Variants in C4orf50 observed in about 807,000 individuals in gnomAD.
C4orf50 encodes the protein chromosome 4 open reading frame 50.
C4orf50 carries 80 observed loss-of-function variants against 77.2 expected under a neutral mutation model. That is an observed-to-expected ratio of 1.04 (90% CI 0.87 to 1.25). The LOEUF is 1.25. Among genes scored for constraint, C4orf50 ranks in the 50% most tolerant of loss-of-function variants. C4orf50 has a pLI of 0.00. For synonymous variants in C4orf50, 532 were observed against 465.3 expected, an observed-to-expected ratio of 1.14 and a Z score of -1.84; for missense variants, 1,257 against 1,152.9, an observed-to-expected ratio of 1.09 and a Z score of -1.31.
rs953652844 is a variant in C4orf50, at chr4:5,919,059, C to T, written c.*2475-20871G>A. On this transcript the variant is annotated intron_variant, in intron 7 of 7. Transcript: ENST00000324058. The surrounding 1 kb of genome is among the most constrained non-coding windows in gnomAD (Gnocchi z 6.5). ...TCTCGGTGCTTCTCAAGAGAACTTG[C>T]TGCTATGGCTCCTGGTTGGGACAGA... is the stretch of plus-strand genomic sequence containing the variant. Among the ~76,000 whole-genome samples the T allele has an allele frequency of 6.6e-6, 1 of 152,176 alleles. No individual in the cohort carries two copies. The highest frequency in any genetic ancestry group is 1.5e-5 in the Non-Finnish European group (1 of 68,032).
chr4:5,979,870 T>C (rs1286198524), intron 29 of C4orf50, among the ~76,000 whole-genome samples: 2 of 152,240 alleles, frequency 1.3e-5, no homozygotes, highest in Admixed American at 1.3e-4. Context: ...TGTATCATAG[T>C]CACGCCTACT....
chr4:5,932,846 A>T lies in C4orf50; in HGVS notation c.*2474+24055T>A, dbSNP rs1280364259. On this transcript the variant is annotated intron_variant, in intron 7 of 7. Transcript: ENST00000324058. This position sits in a 1 kb window ranked among gnomAD's most constrained non-coding sequence, Gnocchi z 4.2. ...TTCCTTCTGCACAGAGGAGAATATT[A>T]CTAGTTAGCTTCACAAATTGTTACA... Among the ~76,000 whole-genome samples, 1 of 152,206 alleles carries T rather than the reference A, an allele frequency of 6.6e-6. No homozygotes were observed. Among genetic ancestry groups the T allele is most frequent in the Non-Finnish European group, 1.5e-5 (1 of 68,038 alleles).
intron 7 of C4orf50, among the ~76,000 whole-genome samples, chr4:5,913,299 G>A (rs987727886): frequency 6.6e-6 from 1 of 152,152 alleles, no homozygotes; most frequent in Non-Finnish European, 1.5e-5. Flanking sequence ...GGAAACTCCA[G>A]ACCATAGCTC....
At chr4:5,957,407 C>T (rs1195701486) in exon 34 of C4orf50, 1 of 152,226 alleles carries the variant, frequency 6.6e-6, no homozygotes, top group Non-Finnish European at 1.5e-5. Flanking sequence ...AAGCTAATGA[C>T]ATTGTCCCAA....
At chr4:5,949,200 G>C (rs1194711957) in intron 7 of C4orf50, among the ~76,000 whole-genome samples, 3 of 152,288 alleles carry the variant, frequency 2.0e-5, no homozygotes, top group East Asian at 3.9e-4. Flanking sequence ...CTGTAGCACA[G>C]TGACCTGGTT....
rs769330919 is a variant in C4orf50 at position 5,980,194 on chromosome 4, G to A, written c.3844C>T (p.Gln1282Ter). 3.1e-6 allele frequency: 5 copies of A among 1,601,614 alleles called. No homozygotes were observed. Among genetic ancestry groups the A allele is most frequent in the Non-Finnish European group, 4.3e-6 (5 of 1,173,988 alleles). Residue 1282 changes from glutamine to a stop codon, truncating the protein, a stop_gained, in exon 29 of 34, where the codon CAG becomes TAG. Transcript: ENST00000531445. LOFTEE classifies it high-confidence loss of function. ...CACACCTTGGCCTGGAGCTCCTCCT[G>A]GAGGCGGGTGGCCTCGTCCAGAGAC... is the stretch of plus-strand genomic sequence containing the variant.
Position 5,901,253 on chromosome 4 carries a change from G to A in C4orf50, c.*2475-3065C>T, listed in dbSNP as rs758983088. ...GGCACACAGTAGGTGTATAATAAAT[G>A]TGCATTATATTAATGACATGAGTAA... On this transcript the variant is annotated intron_variant, in intron 7 of 7. Coordinates refer to the C4orf50 transcript ENST00000324058. This position sits in a 1 kb window ranked among gnomAD's most constrained non-coding sequence, Gnocchi z 4.4. 1.3e-5 allele frequency: 2 copies of A among 152,224 alleles called. No individual in the cohort carries two copies. The highest frequency in any genetic ancestry group is 2.1e-4 in the South Asian group (1 of 4,834). The allele number at this position is 152,224 out of a possible 1,614,324, so 9.4% of individuals were successfully genotyped here.
chr4:6,007,604 A>G lies in C4orf50; in HGVS notation c.963+392T>C, dbSNP rs1160845037. Among the ~76,000 whole-genome samples, 2 of 152,144 alleles carry G rather than the reference A, an allele frequency of 1.3e-5. No individual in the cohort carries two copies. The highest frequency in any genetic ancestry group is 2.9e-5 in the Non-Finnish European group (2 of 68,026). On this transcript the variant is annotated intron_variant, in intron 25 of 33. Coordinates refer to ENST00000531445, the Ensembl canonical transcript of C4orf50. The surrounding 1 kb of genome is among the most constrained non-coding windows in gnomAD (Gnocchi z 4.1). ...AAACAGATTTCAACAATGGGAAAAC[A>G]AGTGGTTTAGTAAGTGGGCTCATAA... is the stretch of plus-strand genomic sequence containing the variant.
intron 7 of C4orf50, among the ~76,000 whole-genome samples, chr4:5,935,783 C>CAAAAAAAAAA (rs1560550404): frequency 2.2e-5 from 1 of 45,068 alleles, no homozygotes; most frequent in Non-Finnish European, 3.6e-5. Flanking sequence ...GAGACTCCGT[C>CAAAAAAAAAA]TAAAAAAAAA....
At chr4:5,904,905 A>G (rs1206072666) in intron 7 of C4orf50, 4 of 152,218 alleles carry the variant, frequency 2.6e-5, no homozygotes, top group Non-Finnish European at 5.9e-5. Context: ...TGGTAAATCA[A>G]TGAGTCCTTA....
At chr4:5,936,200 T>C (rs1467304575) in intron 7 of C4orf50, among the ~76,000 whole-genome samples, 2 of 131,450 alleles carry the variant, frequency 1.5e-5, no homozygotes, top group Non-Finnish European at 3.4e-5. Context: ...AGAGTCTTCA[T>C]GCTGCAGGAA....
At chr4:6,014,910 C>T (rs1722626083) in intron 23 of C4orf50, among the ~76,000 whole-genome samples, 2 of 152,222 alleles carry the variant, frequency 1.3e-5, no homozygotes, top group Admixed American at 1.3e-4. Context: ...ACAGAGGCCC[C>T]TCCTCCCTAT....
intron 25 of C4orf50, among the ~76,000 whole-genome samples, chr4:6,004,283 ATGT>A (rs1472948687): frequency 9.2e-5 from 4 of 43,250 alleles, no homozygotes; most frequent in African/African-American, 1.6e-4. Context: ...GGTGATGGTG[ATGT>A]TGGTGATGAT....
intron 7 of C4orf50, among the ~76,000 whole-genome samples, chr4:5,918,555 G>A (rs191716620): frequency 6.6e-6 from 1 of 152,304 alleles, no homozygotes; most frequent in East Asian, 1.9e-4. Context: ...GCCCAGAGAG[G>A]AGTGGAGCTC....
chr4:6,004,070 T>C (rs373202256), intron 25 of C4orf50, among the ~76,000 whole-genome samples: 2 of 97,062 alleles, frequency 2.1e-5, no homozygotes, highest in Admixed American at 1.1e-4. Context: ...ATGATGGTGA[T>C]GGTGATGATG....
chr4:5,994,109 G>A (rs73196030), intron 26 of C4orf50, among the ~76,000 whole-genome samples: 12,802 of 152,238 alleles, frequency 0.084, 637 homozygotes, highest in African/African-American at 0.14. Flanking sequence ...GTGAGCCTGT[G>A]TTCAGCTGAG....
intron 7 of C4orf50, among the ~76,000 whole-genome samples, chr4:5,925,313 A>C (rs1383125710): frequency 1.3e-5 from 2 of 151,472 alleles, no homozygotes; most frequent in African/African-American, 2.4e-5. Flanking sequence ...CTGTTGGGGG[A>C]CCCCCAGGCC....
chr4:5,913,152 C>T (rs528955786), intron 7 of C4orf50, among the ~76,000 whole-genome samples: 1 of 152,296 alleles, frequency 6.6e-6, no homozygotes, highest in East Asian at 1.9e-4. Context: ...GGGCAAGTTA[C>T]TTAACCTCTT....
At chr4:5,936,633 C>T (rs1718031581) in intron 7 of C4orf50, among the ~76,000 whole-genome samples, 1 of 108,916 alleles carries the variant, frequency 9.2e-6, no homozygotes, top group Non-Finnish European at 1.9e-5. Context: ...TTATGAGCCA[C>T]AGAGGAAAAA....
Sources: gnomAD v4.1 joint callset for allele counts (sites outside exome capture counted in the v4.1 genomes callset) on GRCh38, gnomAD v4.1.1 for gene constraint, Gnocchi (gnomAD v3.1) non-coding constraint, MANE v1.5 for transcripts, NCBI Gene and HGNC (gene_info 2026-07-23, HGNC 2026-07-21) for gene names.